Variants in NRXN1 observed in about 807,000 individuals in gnomAD.
NRXN1 encodes the protein neurexin 1, also known as neurexin-1.
Under a neutral mutation model 150.9 loss-of-function variants are expected in NRXN1, and 39 were observed. The observed-to-expected ratio is 0.26, with a 90% CI of 0.20 to 0.34. The LOEUF is 0.34. Among genes scored for constraint, NRXN1 ranks in the 10% least tolerant of loss-of-function variants. The pLI is 1.00. For synonymous variants in NRXN1, 924 were observed against 757.0 expected, an observed-to-expected ratio of 1.22 and a Z score of -3.62; for missense variants, 1,815 against 1,949.9, an observed-to-expected ratio of 0.93 and a Z score of 1.30.
intron 5 of NRXN1, among the ~76,000 whole-genome samples, chr2:50,630,528 A>G (rs2104391988): frequency 6.6e-6 from 1 of 151,810 alleles, no homozygotes; most frequent in East Asian, 1.9e-4. Flanking sequence ...CAAGGAAATT[A>G]CCGTACATCT....
intron 2 of NRXN1, among the ~76,000 whole-genome samples, chr2:50,965,471 A>T (rs917096577): frequency 6.6e-6 from 1 of 151,584 alleles, no homozygotes; most frequent in Admixed American, 6.6e-5. Context: ...TTTAAAAAAA[A>T]TAATAATTTT....
chr2:50,456,442 G>A lies in NRXN1; in HGVS notation c.3364+9000C>T, dbSNP rs559074764. Among the ~76,000 whole-genome samples the A allele has an allele frequency of 7.9e-5, 12 of 152,088 alleles. No individual in the cohort carries two copies. In the East Asian group the frequency reaches 1.4e-3, roughly 17 times the overall value. On this transcript the variant is annotated intron_variant, in intron 17 of 22. Transcript: ENST00000401669. ...GAATGCTACAAGAGAGTTAAAACAC[G>A]TATAGCATCACAGAACTGTAGAGAA...
intron 5 of NRXN1, among the ~76,000 whole-genome samples, chr2:50,877,190 CACAT>C (rs1444432547): frequency 6.6e-6 from 1 of 151,828 alleles, no homozygotes; most frequent in Non-Finnish European, 1.5e-5. Context: ...CATAGACACA[CACAT>C]ATACACACAC....
chr2:50,357,993 C>T (rs1230649545), intron 17 of NRXN1, among the ~76,000 whole-genome samples: 2 of 152,106 alleles, frequency 1.3e-5, no homozygotes, highest in African/African-American at 4.8e-5. Flanking sequence ...AACTCCCTCT[C>T]CTAGCCAAGG....
At chr2:50,079,190 G>C (rs1259828227) in intron 19 of NRXN1, among the ~76,000 whole-genome samples, 4 of 151,604 alleles carry the variant, frequency 2.6e-5, no homozygotes, top group Admixed American at 6.6e-5. Context: ...TATTAGTTTT[G>C]TTGCTCAATT....
At chr2:50,268,477 C>T (rs2069157865) in intron 17 of NRXN1, among the ~76,000 whole-genome samples, 1 of 152,142 alleles carries the variant, frequency 6.6e-6, no homozygotes, top group African/African-American at 2.4e-5. Context: ...TGATCATTAA[C>T]AGGACACTTT....
At chr2:50,263,930 T>C (rs2068576211) in intron 17 of NRXN1, among the ~76,000 whole-genome samples, 1 of 152,124 alleles carries the variant, frequency 6.6e-6, no homozygotes, top group South Asian at 2.1e-4. Context: ...ATTTAGCAAG[T>C]GACATCGTGT....
intron 17 of NRXN1, among the ~76,000 whole-genome samples, chr2:50,394,051 T>A (rs2081907717): frequency 6.6e-6 from 1 of 152,116 alleles, no homozygotes. Context: ...ACACGCTAGT[T>A]CTATTTTTCT....
chr2:50,202,302 C>T (rs952195385), intron 18 of NRXN1, among the ~76,000 whole-genome samples: 28 of 152,080 alleles, frequency 1.8e-4, no homozygotes, highest in African/African-American at 5.1e-4. Context: ...GTCAGGAGAT[C>T]GAGGCCACCC....
At chr2:50,420,562 G>A (rs1161124345) in intron 17 of NRXN1, among the ~76,000 whole-genome samples, 1 of 152,006 alleles carries the variant, frequency 6.6e-6, no homozygotes, top group Non-Finnish European at 1.5e-5. Flanking sequence ...AAATGTGGAT[G>A]AGCCAGCTGT....
At chr2:50,217,019 A>G (rs1048525722) in intron 18 of NRXN1, among the ~76,000 whole-genome samples, 1 of 152,098 alleles carries the variant, frequency 6.6e-6, no homozygotes, top group Non-Finnish European at 1.5e-5. Context: ...TTCAAGGGTC[A>G]AAAGCAATGA....
chr2:50,902,723 C>T (rs1467238460), intron 5 of NRXN1, among the ~76,000 whole-genome samples: 2 of 152,106 alleles, frequency 1.3e-5, no homozygotes, highest in Admixed American at 6.6e-5. Context: ...CTTGCTATTT[C>T]CTTACTGTGT....
intron 18 of NRXN1, among the ~76,000 whole-genome samples, chr2:50,183,091 T>C (rs1391576955): frequency 6.6e-6 from 1 of 152,086 alleles, no homozygotes; most frequent in Non-Finnish European, 1.5e-5. Flanking sequence ...GTGACTTTTG[T>C]TTCAGCCAAT....
In NRXN1 at chr2:50,232,382, CTTTTCTTTTTTTTT is replaced by C. The variant is rs1423657923; in HGVS notation, c.3546+4393_3546+4406del. On this transcript the variant is annotated intron_variant, in intron 18 of 22. Transcript: ENST00000401669. ...TTACTGTATTATTTTTCTTTCTTTT[CTTTTCTTTTTTTTT>C]TTTTTTTTTGAGACGGAGTGTCACT... Among the ~76,000 whole-genome samples the C allele has an allele frequency of 4.7e-4, 54 of 113,958 alleles. No individual in the cohort carries two copies. The South Asian group carries it at 6.7e-3, about 14-fold the overall frequency. The allele number at this position is 113,958 out of a possible 152,430, so 74.8% of individuals were successfully genotyped here.
intron 18 of NRXN1, among the ~76,000 whole-genome samples, chr2:50,151,534 T>C (rs143438916): frequency 2.6e-5 from 4 of 151,862 alleles, no homozygotes; most frequent in African/African-American, 4.8e-5. Context: ...GCTTCTAGTT[T>C]CTAATGTATT....
intron 10 of NRXN1, 51 bp downstream of exon 10, chr2:50,538,202 T>C: frequency 6.4e-7 from 1 of 1,566,626 alleles, no homozygotes. Context: ...GGTCAACATT[T>C]AATAAACTTT....
chr2:50,845,127 A>G (rs1673452277), intron 5 of NRXN1, among the ~76,000 whole-genome samples: 1 of 151,844 alleles, frequency 6.6e-6, no homozygotes, highest in South Asian at 2.1e-4. Flanking sequence ...AAGTGCCAGG[A>G]TTACCATGCC....
intron 5 of NRXN1, among the ~76,000 whole-genome samples, chr2:50,738,284 G>A (rs1313109670): frequency 6.6e-6 from 1 of 152,144 alleles, no homozygotes; most frequent in African/African-American, 2.4e-5. Context: ...CTGCATAAAT[G>A]CTCCACTGAC....
intron 18 of NRXN1, among the ~76,000 whole-genome samples, chr2:50,200,797 A>T (rs541060529): frequency 6.6e-6 from 1 of 152,194 alleles, no homozygotes; most frequent in African/African-American, 2.4e-5. Context: ...CACTAAATTT[A>T]AAGTCATTCC....
Sources: gnomAD v4.1 joint callset for allele counts (sites outside exome capture counted in the v4.1 genomes callset) on GRCh38, gnomAD v4.1.1 for gene constraint, MANE v1.5 for transcripts, NCBI Gene and HGNC (gene_info 2026-07-23, HGNC 2026-07-21) for gene names.